Variants in AGBL4 observed in about 807,000 individuals in gnomAD.
AGBL4 encodes the protein AGBL carboxypeptidase 4.
In AGBL4, 58 loss-of-function variants were observed where a neutral mutation model predicts 66.4. That is an observed-to-expected ratio of 0.87 (90% confidence interval 0.71 to 1.09). The LOEUF (loss-of-function observed/expected upper bound fraction) is 1.09. AGBL4 is among the 50% of genes least tolerant of loss of function. The pLI, the probability that AGBL4 is intolerant of heterozygous loss-of-function variation, is 0.00. For synonymous variants in AGBL4, 234 were observed against 222.9 expected, an observed-to-expected ratio of 1.05 and a Z score of -0.44; for missense variants, 579 against 631.0, an observed-to-expected ratio of 0.92 and a Z score of 0.88.
chr1:49,854,172 G>A (rs189112672), intron 1 of AGBL4, among the ~76,000 whole-genome samples: 133 of 9,166 alleles, frequency 0.015, no homozygotes, highest in African/African-American at 0.063. Flanking sequence ...GACTATAGGT[G>A]CCTGACACTT....
At chr1:49,364,360 C>T (rs1273753034) in intron 3 of AGBL4, among the ~76,000 whole-genome samples, 2 of 152,130 alleles carry the variant, frequency 1.3e-5, no homozygotes, top group Non-Finnish European at 2.9e-5. Context: ...CATAATCTCT[C>T]TAATCCTCAA....
At chr1:48,763,464 G>GT (rs926760456) in intron 6 of AGBL4, among the ~76,000 whole-genome samples, 5 of 152,020 alleles carry the variant, frequency 3.3e-5, no homozygotes, top group Admixed American at 3.3e-4. Flanking sequence ...TTGCAATGGT[G>GT]TTTTTTTGTG....
intron 3 of AGBL4, among the ~76,000 whole-genome samples, chr1:49,352,838 G>T (rs1643938826): frequency 6.6e-6 from 1 of 152,162 alleles, no homozygotes; most frequent in African/African-American, 2.4e-5. Context: ...TTACAGATGA[G>T]GCTAAGAAAA....
intron 2 of AGBL4, among the ~76,000 whole-genome samples, chr1:49,761,024 G>T (rs1031883312): frequency 2.6e-5 from 4 of 151,930 alleles, no homozygotes; most frequent in Non-Finnish European, 5.9e-5. Flanking sequence ...CTGTTGGGGG[G>T]TGGGGGTAAT....
chr1:48,559,740 C>T (rs571993901), intron 11 of AGBL4, among the ~76,000 whole-genome samples: 1 of 152,152 alleles, frequency 6.6e-6, no homozygotes, highest in South Asian at 2.1e-4. Flanking sequence ...TTGATTGTCT[C>T]CCCCAGACCC....
At chr1:49,204,284 T>G (rs932152398) in intron 4 of AGBL4, among the ~76,000 whole-genome samples, 5 of 152,084 alleles carry the variant, frequency 3.3e-5, no homozygotes, top group African/African-American at 9.7e-5. Flanking sequence ...TATTGTTTAT[T>G]TTTTTAGTCA....
At chr1:49,644,185 C>G (rs1398316218) in intron 3 of AGBL4, among the ~76,000 whole-genome samples, 1 of 151,402 alleles carries the variant, frequency 6.6e-6, no homozygotes, top group Non-Finnish European at 1.5e-5. Flanking sequence ...AAAGCAACCA[C>G]TAAAATAATA....
At chr1:49,050,138 G>C (rs976904092) in intron 4 of AGBL4, among the ~76,000 whole-genome samples, 4 of 152,000 alleles carry the variant, frequency 2.6e-5, no homozygotes, top group Non-Finnish European at 5.9e-5. Context: ...GGGGACTAAA[G>C]GCTGATCCAG....
intron 11 of AGBL4, among the ~76,000 whole-genome samples, chr1:48,579,460 C>T (rs1467489898): frequency 1.3e-5 from 2 of 151,090 alleles, no homozygotes; most frequent in East Asian, 2.0e-4. Context: ...AGGCTGGTCT[C>T]GAACTCCTGA....
At chr1:50,009,014 C>T (rs1661337148) in intron 1 of AGBL4, among the ~76,000 whole-genome samples, 1 of 152,032 alleles carries the variant, frequency 6.6e-6, no homozygotes, top group Admixed American at 6.5e-5. Context: ...AATAAAAAGT[C>T]CCCAGCAAAG....
rs151094966 is a variant in AGBL4, at chr1:49,494,007, G to A, written c.282+203306C>T. ...CTGGAAAGGTAAAGATAAGACTTTC[G>A]AAAACAGGGTCACCAGTCTAGCCCT... On this transcript the variant is annotated intron_variant, in intron 3 of 13. Coordinates refer to ENST00000371839, the MANE Select transcript of AGBL4 (RefSeq NM_032785.4). 2.2e-4 allele frequency among the ~76,000 whole-genome samples: 33 copies of A among 151,944 alleles called. 1 individual carries two copies. The highest frequency in any genetic ancestry group is 3.4e-3 in the Middle Eastern group (1 of 294).
At chr1:49,046,907 A>G (rs1644093709) in intron 4 of AGBL4, among the ~76,000 whole-genome samples, 1 of 152,218 alleles carries the variant, frequency 6.6e-6, no homozygotes, top group East Asian at 1.9e-4. Context: ...GTGGCTTGGC[A>G]TTCAATTGAG....
chr1:49,304,078 C>T (rs143129136), intron 3 of AGBL4, among the ~76,000 whole-genome samples: 2,551 of 152,170 alleles, frequency 0.017, 77 homozygotes, highest in African/African-American at 0.059. Context: ...CATGGTATTG[C>T]CTAGATTTTC....
chr1:49,714,397 C>T (rs1473356955), intron 2 of AGBL4, among the ~76,000 whole-genome samples: 1 of 151,800 alleles, frequency 6.6e-6, no homozygotes, highest in Non-Finnish European at 1.5e-5. Context: ...TTATCCTATA[C>T]ATTGGAGAAT....
chr1:49,518,756 G>T (rs890609790), intron 3 of AGBL4, among the ~76,000 whole-genome samples: 2 of 152,000 alleles, frequency 1.3e-5, no homozygotes, highest in Non-Finnish European at 2.9e-5. Flanking sequence ...TTAAAAGATG[G>T]TTCTGATTTA....
At chr1:49,172,615 G>A (rs1646758745) in intron 4 of AGBL4, among the ~76,000 whole-genome samples, 1 of 152,192 alleles carries the variant, frequency 6.6e-6, no homozygotes, top group African/African-American at 2.4e-5. Flanking sequence ...ATGTAGAAGT[G>A]TGGAGGTAGG....
chr1:48,884,978 TAAAAA>T (rs5742033), intron 5 of AGBL4, among the ~76,000 whole-genome samples: 4 of 139,554 alleles, frequency 2.9e-5, no homozygotes, highest in Non-Finnish European at 3.0e-5. Flanking sequence ...GAGGCAGATT[TAAAAA>T]AAAAAAAAAA....
chr1:48,721,298 C>G (rs1436333733), intron 6 of AGBL4, among the ~76,000 whole-genome samples: 1 of 152,178 alleles, frequency 6.6e-6, no homozygotes, highest in African/African-American at 2.4e-5. Flanking sequence ...ACCCTAAAGT[C>G]TCCAGAAATG....
chr1:49,905,593 G>A (rs1207524601), intron 1 of AGBL4, among the ~76,000 whole-genome samples: 7 of 152,088 alleles, frequency 4.6e-5, no homozygotes, highest in Non-Finnish European at 1.0e-4. Context: ...AGGAATGAAA[G>A]GATTATGAAC....
Sources: gnomAD v4.1 joint callset for allele counts (sites outside exome capture counted in the v4.1 genomes callset) on GRCh38, gnomAD v4.1.1 for gene constraint, MANE v1.5 for transcripts, NCBI Gene and HGNC (gene_info 2026-07-23, HGNC 2026-07-21) for gene names.